SCRIB: variants seen among roughly 807,000 people sequenced by gnomAD.
SCRIB encodes the protein protein scribble homolog.
SCRIB carries 72 observed loss-of-function variants against 170.0 expected under a neutral mutation model. The ratio of observed to expected loss-of-function variants is 0.42; its 90% CI spans 0.35 to 0.52. SCRIB has a LOEUF of 0.52. Among genes scored for constraint, SCRIB ranks in the 20% least tolerant of loss-of-function variants. SCRIB has a pLI of 0.02. For synonymous variants in SCRIB, 1,298 were observed against 1,044.3 expected, an observed-to-expected ratio of 1.24 and a Z score of -4.68; for missense variants, 2,475 against 2,338.5, an observed-to-expected ratio of 1.06 and a Z score of -1.20.
chr8:143,796,426 G>A (rs1554634113), intron 24 of SCRIB, among the ~76,000 whole-genome samples: 1 of 152,158 alleles, frequency 6.6e-6, no homozygotes, highest in African/African-American at 2.4e-5. Context: ...TAAAAACACA[G>A]CTGAAATGGT....
intron 9 of SCRIB, among the ~76,000 whole-genome samples, chr8:143,811,620 T>C (rs962672268): frequency 2.6e-5 from 4 of 152,104 alleles, no homozygotes; most frequent in Admixed American, 1.3e-4. Context: ...ATGGGTGCCC[T>C]GGACTGACCT....
intron 9 of SCRIB, 139 bp from the exon 10 acceptor site, chr8:143,811,484 G>A (rs1815719547): frequency 4.2e-6 from 3 of 716,474 alleles, no homozygotes; most frequent in Admixed American, 2.6e-5. Context: ...ACCGGGACAA[G>A]GACCTGACCA....
At chr8:143,796,163 C>T (rs1554634056) in intron 24 of SCRIB, among the ~76,000 whole-genome samples, 1 of 152,134 alleles carries the variant, frequency 6.6e-6, no homozygotes, top group Non-Finnish European at 1.5e-5. Context: ...TCTGGTTGGG[C>T]ACAAGATGTA....
chr8:143,814,958 G>A (rs1314248961), intron 1 of SCRIB: 2 of 493,260 alleles, frequency 4.1e-6, no homozygotes, highest in East Asian at 7.2e-5. Flanking sequence ...GAATCCCCAC[G>A]GGTTTCACTC....
At chr8:143,794,347 C>T in intron 27 of SCRIB, 1 of 222,852 alleles carries the variant, frequency 4.5e-6, no homozygotes, top group Non-Finnish European at 8.9e-6. Context: ...CTGACTGCTG[C>T]CCCCATGACT....
chr8:143,804,069 C>G lies in SCRIB; in HGVS notation c.3097G>C (p.Glu1033Gln). 6.2e-7 allele frequency: 1 copy of G among 1,611,978 alleles called. No individual in the cohort carries two copies. The highest frequency in any genetic ancestry group is 8.5e-7 in the Non-Finnish European group (1 of 1,178,882). Residue 1033 changes from glutamate to glutamine, a missense_variant, in exon 22 of 37, where the codon GAG becomes CAG. Transcript: ENST00000356994. Reference protein sequence around the residue: ...DHSSHPFGVQEPGVFISKVLP... With the variant: ...DHSSHPFGVQQPGVFISKVLP... ...ACCTTGGAGATGAACACACCAGGCT[C>G]CTGGACACCAAACGGGTGGCTGGAA...
intron 13 of SCRIB, 141 bp downstream of exon 13, chr8:143,810,338 G>A: frequency 7.9e-7 from 1 of 1,265,678 alleles, no homozygotes; most frequent in Non-Finnish European, 1.1e-6. Context: ...GCAGCTCCAT[G>A]TCCCTGAAAC....
intron 9 of SCRIB, 92 bp from the exon 10 acceptor site, chr8:143,811,437 G>C (rs1458166888): frequency 2.6e-6 from 3 of 1,175,722 alleles, no homozygotes; most frequent in South Asian, 1.4e-5. Context: ...AGACACCCCA[G>C]GCCAGCTCCA....
intron 24 of SCRIB, among the ~76,000 whole-genome samples, chr8:143,801,905 C>T (rs569514928): frequency 5.3e-5 from 8 of 152,280 alleles, no homozygotes; most frequent in East Asian, 1.9e-4. Context: ...ACGGCAGGCT[C>T]GTGGGGGACC....
chr8:143,795,210 C>A, intron 26 of SCRIB, 67 bp downstream of exon 26: 1 of 1,598,398 alleles, frequency 6.3e-7, no homozygotes, highest in Non-Finnish European at 8.6e-7. Flanking sequence ...TACTACCCAG[C>A]ACCCCACAGG....
In SCRIB at chr8:143,795,099, T is replaced by C; in HGVS notation, c.3785A>G (p.Gln1262Arg). ...GGCGCGGTAGTCCAGCTTCAGGGGC[T>C]GCAGACCCCGACCCTGGGGGCAGAG... ...EATEAAGRGL[Q>R]PLKLDYRALA... Residue 1262 changes from glutamine (Q) to arginine (R), a missense_variant, in exon 27 of 37, where the codon CAG (glutamine) becomes CGG (arginine). Gln to Arg is a conservative substitution (Grantham distance 43). Around this residue, in one of 3 missense-constraint regions of SCRIB, gnomAD observed 1,966 missense variants for 1,742.9 expected, o/e 1.13. Transcript: ENST00000356994. The C allele has an allele frequency of 6.2e-7, 1 of 1,611,250 alleles. No individual in the cohort carries two copies. Among genetic ancestry groups the C allele is most frequent in the Non-Finnish European group, 8.5e-7 (1 of 1,179,182 alleles).
At chr8:143,807,085 A>C in intron 16 of SCRIB, 72 bp from the exon 17 acceptor site, 1 of 1,081,148 alleles carries the variant, frequency 9.2e-7, no homozygotes, top group Non-Finnish European at 1.4e-6. Flanking sequence ...AGGAGACCCC[A>C]CCAGCACGCA....
At chr8:143,812,055 C>T (rs1250045013) in intron 9 of SCRIB, among the ~76,000 whole-genome samples, 1 of 152,168 alleles carries the variant, frequency 6.6e-6, no homozygotes, top group Non-Finnish European at 1.5e-5. Flanking sequence ...AGATTCTTCA[C>T]GGTAAACGGC....
Position 143,793,081 on chromosome 8 carries a change from C to A in SCRIB, c.3912G>T (p.Pro1304=), listed in dbSNP as rs782446018. The A allele has an allele frequency of 3.0e-6, 4 of 1,325,588 alleles. No homozygotes were observed. The highest frequency in any genetic ancestry group is 3.1e-5 in the South Asian group (2 of 63,842). The allele number at this position is 1,325,588 out of a possible 1,614,324, so 82.1% of individuals were successfully genotyped here. A position where few individuals can be genotyped will look rare whatever the true frequency, so the allele number is the denominator to read the frequency against. ...ESPCSPSGQQ[P]PSPPSPDELP... is the part of the protein sequence containing the mutation. ...GCTCATCCGGAGAAGGCGGGGAGGG[C>A]GGCTGGGGGGTGGGGCTCTTGTGAG... Residue 1304 remains proline (P), a splice_region_variant and synonymous_variant, in exon 29 of 37, where the codon CCG becomes CCT. Coordinates refer to ENST00000356994, the MANE Select transcript of SCRIB (RefSeq NM_182706.5).
In SCRIB at chr8:143,815,727, G is replaced by A. The variant is rs1048092644; in HGVS notation, c.-355C>T. The A allele has an allele frequency of 2.0e-6, 2 of 983,832 alleles. No homozygotes were observed. Among genetic ancestry groups the A allele is most frequent in the East Asian group, 1.1e-4 (1 of 8,766 alleles). The allele number at this position is 983,832 out of a possible 1,614,324, so 60.9% of individuals were successfully genotyped here. On this transcript the variant is annotated 5_prime_UTR_variant, in exon 1 of 37. Transcript: ENST00000356994. The stretch of plus-strand genomic sequence containing the variant: ...CCGCCGCTGCCCGCCGGACTGCCCC[G>A]CCGACACCCACCCGGCCGCCGCGCA...
In SCRIB at chr8:143,805,194, G is replaced by C. The variant is rs782271918; in HGVS notation, c.2588C>G (p.Ala863Gly). Residue 863 changes from alanine (A) to glycine (G), a missense_variant, in exon 19 of 37, where the codon GCC becomes GGC. Ala to Gly is a moderately conservative substitution (Grantham distance 60). Around this residue, in one of 3 missense-constraint regions of SCRIB, gnomAD observed 1,966 missense variants for 1,742.9 expected, o/e 1.13. Coordinates refer to ENST00000356994, the MANE Select transcript of SCRIB (RefSeq NM_182706.5). ...CCCCCTCTCGCTGCGTGCCAGGCAGGCCACGTGGCGCTGACGGAGGGGCCC... is the reference window on the plus strand; with the variant it reads ...CCCCCTCTCGCTGCGTGCCAGGCAGCCCACGTGGCGCTGACGGAGGGGCCC... ...SPGPLRQRHV[A>G]CLARSERGLG... is the part of the protein sequence containing the mutation. 62 of 1,572,744 alleles carry C rather than the reference G, an allele frequency of 3.9e-5. No individual in the cohort carries two copies. The highest frequency in any genetic ancestry group is 3.4e-6 in the Non-Finnish European group (4 of 1,161,502).
intron 28 of SCRIB, 24 bp downstream of exon 28, chr8:143,793,876 C>T (rs200978587): frequency 2.5e-6 from 4 of 1,611,492 alleles, no homozygotes; most frequent in Admixed American, 3.3e-5. Flanking sequence ...CCATGGGGCA[C>T]ACCCGTTAAC....
rs143419869 is a variant in SCRIB, at chr8:143,810,549, C to G, written c.1460G>C (p.Ser487Thr). The G allele has an allele frequency of 7.2e-5, 116 of 1,613,474 alleles. 1 individual carries two copies. Among genetic ancestry groups the G allele is most frequent in the Non-Finnish European group, 9.6e-5 (113 of 1,179,986 alleles). The change falls in exon 13 of 37, where the codon AGC becomes ACC. Residue 487 changes from serine to threonine, a missense_variant. Physicochemically the swap from Ser to Thr is moderately conservative, Grantham distance 58 (BLOSUM62 1). This residue lies in a region of SCRIB where 1,966 missense variants were observed against 1,742.9 expected (regional missense o/e 1.13). Coordinates refer to ENST00000356994, the MANE Select transcript of SCRIB (RefSeq NM_182706.5). ...GGCCTCGCTCCGCCGCCCCTCGATG[C>G]TCCTCTTCATCACCTTGAGCTCGCT... is the stretch of plus-strand genomic sequence containing the variant. Reference protein sequence around the residue: ...HPSELKVMKRSIEGRRSEACP... With the variant: ...HPSELKVMKRTIEGRRSEACP...
chr8:143,803,268 C>T, intron 24 of SCRIB, 115 bp downstream of exon 24: 1 of 1,025,192 alleles, frequency 9.8e-7, no homozygotes, highest in Non-Finnish European at 1.4e-6. Flanking sequence ...CCGCAGAGCA[C>T]CGCCCAGACC....
Sources: allele counts gnomAD v4.1 joint callset (sites outside exome capture counted in the v4.1 genomes callset), GRCh38; gene constraint gnomAD v4.1.1; regional missense constraint gnomAD v4.1.1; transcripts MANE v1.5; gene names NCBI Gene and HGNC (gene_info 2026-07-23, HGNC 2026-07-21).